Variants in BAIAP2 observed in about 807,000 individuals in gnomAD.
The protein encoded by BAIAP2 is BAR/IMD domain containing adaptor protein 2.
BAIAP2 carries 18 observed loss-of-function variants against 63.0 expected under a neutral mutation model. The observed-to-expected ratio is 0.29, with a 90% confidence interval of 0.20 to 0.42. BAIAP2 has a LOEUF of 0.42. Among genes scored for constraint, BAIAP2 ranks in the 10% least tolerant of loss-of-function variants. The pLI, the probability that BAIAP2 is intolerant of heterozygous loss-of-function variation, is 1.00. For missense variants in BAIAP2, 610 were observed against 734.3 expected (o/e 0.83, Z 1.96); for synonymous variants, 386 against 307.6 (o/e 1.25, Z -2.67).
intron 7 of BAIAP2, among the ~76,000 whole-genome samples, chr17:81,101,645 A>G (rs1229140226): frequency 1.3e-5 from 2 of 152,130 alleles, no homozygotes; most frequent in Non-Finnish European, 2.9e-5. Context: ...GCACACACAC[A>G]CACACGCACG....
In BAIAP2 at chr17:81,052,257, A is replaced by G. The variant is rs1363168855; in HGVS notation, c.55-1411A>G. 3.9e-5 allele frequency among the ~76,000 whole-genome samples: 6 copies of G among 152,142 alleles called. 1 individual carries two copies. Among genetic ancestry groups the G allele is most frequent in the Admixed American group, 3.3e-4 (5 of 15,274 alleles). On this transcript the variant is annotated intron_variant, in intron 1 of 13. Transcript: ENST00000428708. The stretch of plus-strand genomic sequence containing the variant: ...GCCTGCCTTCCACGTCTCGCTGAGC[A>G]CGCCTATCCCACTTCTGCGGAAGCG...
intron 10 of BAIAP2, 93 bp downstream of exon 10, chr17:81,104,808 AGAGT>A (rs2145928111): frequency 1.5e-6 from 2 of 1,351,266 alleles, no homozygotes; most frequent in Admixed American, 4.4e-5. Context: ...CCTTGTGTTT[AGAGT>A]GGCTGTGCAG....
At chr17:81,099,855 G>A (rs141191380) in intron 6 of BAIAP2, 73 bp from the exon 7 acceptor site, 1 of 1,542,422 alleles carries the variant, frequency 6.5e-7, no homozygotes, top group Non-Finnish European at 8.8e-7. Context: ...CTGAGTCCGT[G>A]GGGCTGCCCC....
chr17:81,095,935 G>A (rs986495913), intron 6 of BAIAP2, among the ~76,000 whole-genome samples: 16 of 152,270 alleles, frequency 1.1e-4, no homozygotes, highest in Admixed American at 7.8e-4. Flanking sequence ...CTGGGGAACT[G>A]AGCATGAGCG....
At chr17:81,106,026 G>C in intron 10 of BAIAP2, 52 bp from the exon 11 acceptor site, 3 of 1,505,682 alleles carry the variant, frequency 2.0e-6, no homozygotes, top group Non-Finnish European at 2.7e-6. Context: ...GTCGGTGGGG[G>C]ATGGGGAGCC....
chr17:81,086,003 C>T (rs1435510897), intron 5 of BAIAP2, among the ~76,000 whole-genome samples: 1 of 152,188 alleles, frequency 6.6e-6, no homozygotes, highest in African/African-American at 2.4e-5. Flanking sequence ...GACTCTGCTG[C>T]CGGGGAGTGC....
chr17:81,106,720 C>T (rs531523237), intron 11 of BAIAP2, 25 bp from the exon 12 acceptor site: 14 of 1,612,114 alleles, frequency 8.7e-6, no homozygotes, highest in East Asian at 6.7e-5. Context: ...CCTGCTGGGC[C>T]GCCTCTGAGT....
Position 81,045,057 on chromosome 17 carries a change from G to GT in BAIAP2, c.55-8610dup, listed in dbSNP as rs113919498. The stretch of plus-strand genomic sequence containing the variant: ...GGAAGTGGCCAGACTGCTTGGTGCT[G>GT]TGTTTGGACTTTGCTGGGCTGCGGC... On this transcript the variant is annotated intron_variant, in intron 1 of 13. Transcript: ENST00000428708. Among the ~76,000 whole-genome samples the GT allele has an allele frequency of 3.3e-5, 5 of 151,320 alleles. 1 individual carries two copies. Among genetic ancestry groups the GT allele is most frequent in the African/African-American group, 1.2e-4 (5 of 40,574 alleles).
intron 6 of BAIAP2, chr17:81,087,974 C>G (rs537945269): frequency 2.6e-5 from 4 of 152,056 alleles, no homozygotes; most frequent in African/African-American, 9.7e-5. Context: ...TGCAGCGAGC[C>G]GTCCTCAAGC....
chr17:81,092,946 C>T (rs1011495500), intron 6 of BAIAP2, among the ~76,000 whole-genome samples: 19 of 152,020 alleles, frequency 1.2e-4, no homozygotes, highest in African/African-American at 4.1e-4. Flanking sequence ...CCACAGGGCC[C>T]GGAATGGGGC....
chr17:81,093,294 C>T (rs999086212), intron 6 of BAIAP2, among the ~76,000 whole-genome samples: 1 of 152,214 alleles, frequency 6.6e-6, no homozygotes, highest in South Asian at 2.1e-4. Context: ...GCTCAGCCAG[C>T]TCTGGAGGCT....
chr17:81,084,620 G>A (rs997196363), intron 3 of BAIAP2, among the ~76,000 whole-genome samples: 1 of 152,182 alleles, frequency 6.6e-6, no homozygotes, highest in African/African-American at 2.4e-5. Context: ...GGCGTGCTGT[G>A]CATTTGAGGT....
chr17:81,111,120 A>C (rs1301646540), intron 13 of BAIAP2, among the ~76,000 whole-genome samples: 1 of 151,938 alleles, frequency 6.6e-6, no homozygotes, highest in Non-Finnish European at 1.5e-5. Context: ...GGCCTTCTCT[A>C]CTGGGTCCCC....
At chr17:81,038,707 C>T (rs899011365) in intron 1 of BAIAP2, among the ~76,000 whole-genome samples, 1 of 152,236 alleles carries the variant, frequency 6.6e-6, no homozygotes, top group Non-Finnish European at 1.5e-5. Flanking sequence ...TGCTGGGTGG[C>T]AGGGAGCACA....
chr17:81,055,574 G>GTTGTTTTTTTTTGTTTT (rs2049367558), intron 2 of BAIAP2, among the ~76,000 whole-genome samples: 23 of 123,406 alleles, frequency 1.9e-4, no homozygotes, highest in South Asian at 2.8e-4. Flanking sequence ...AGGGTGTTTT[G>GTTGTTTTTTTTTGTTTT]TTTTTTTTTG....
chr17:81,085,820 C>T, intron 5 of BAIAP2, 95 bp downstream of exon 5: 1 of 938,518 alleles, frequency 1.1e-6, no homozygotes, highest in Non-Finnish European at 1.7e-6. Flanking sequence ...AGGCTTCCCA[C>T]TTCCCCGAGC....
intron 3 of BAIAP2, 53 bp downstream of exon 3, chr17:81,058,020 C>T (rs2049919391): frequency 7.6e-7 from 1 of 1,317,972 alleles, no homozygotes. Context: ...CCTCAGGCAG[C>T]TCTGGGGCCC....
intron 3 of BAIAP2, among the ~76,000 whole-genome samples, 188 bp from the exon 4 acceptor site, chr17:81,084,644 T>C (rs1277432019): frequency 6.6e-6 from 1 of 152,180 alleles, no homozygotes; most frequent in East Asian, 1.9e-4. Flanking sequence ...GAGTCCCTTC[T>C]CATTCTAGAA....
In BAIAP2 at chr17:81,052,462, G is replaced by A. The variant is rs1160698748; in HGVS notation, c.55-1206G>A. On this transcript the variant is annotated intron_variant, in intron 1 of 13. Coordinates refer to ENST00000428708, the MANE Select transcript of BAIAP2 (RefSeq NM_001144888.2). ...GGAGCACCTGCCCTGGAACTTGGCC[G>A]GGTGGCGTTACCACCGGAGGGTCCA... 7.9e-5 allele frequency among the ~76,000 whole-genome samples: 12 copies of A among 152,228 alleles called. No homozygotes were observed. In the East Asian group the frequency reaches 1.2e-3, roughly 15 times the overall value.
Sources: allele counts gnomAD v4.1 joint callset (sites outside exome capture counted in the v4.1 genomes callset), GRCh38; gene constraint gnomAD v4.1.1; transcripts MANE v1.5; gene names NCBI Gene and HGNC (gene_info 2026-07-23, HGNC 2026-07-21).